Variants in COL19A1 observed in about 807,000 individuals in gnomAD.
COL19A1 encodes the protein collagen type XIX alpha 1 chain, also known as collagen alpha-1(XIX) chain.
Under a neutral mutation model 190.2 loss-of-function variants are expected in COL19A1, and 159 were observed. That is an observed-to-expected ratio of 0.84 (90% CI 0.73 to 0.95). The LOEUF (loss-of-function observed/expected upper bound fraction) is 0.95, where lower values mean the gene tolerates loss of function less well. Ranked by LOEUF, COL19A1 falls within the 40% of genes least tolerant of loss-of-function variation. COL19A1 has a pLI of 0.00. For synonymous variants in COL19A1, 509 were observed against 458.9 expected, an observed-to-expected ratio of 1.11 and a Z score of -1.39; for missense variants, 1,418 against 1,431.9, an observed-to-expected ratio of 0.99 and a Z score of 0.16.
In COL19A1 at chr6:70,068,419, A is replaced by C; in HGVS notation, c.1171-4A>C. On this transcript the variant is annotated splice_region_variant and splice_polypyrimidine_tract_variant and intron_variant, in intron 14 of 50. Transcript: ENST00000620364. ...TATTAACATGTGTCTCTTTTTCCTC[A>C]TAGGGTTCCCTGGGGATACAAGGCC... is the stretch of plus-strand genomic sequence containing the variant. 2 of 1,584,496 alleles carry C rather than the reference A, an allele frequency of 1.3e-6. No homozygotes were observed. Among genetic ancestry groups the C allele is most frequent in the South Asian group, 1.1e-5 (1 of 90,412 alleles).
In COL19A1 at chr6:70,212,399, C is replaced by T. The variant is rs1768258973; in HGVS notation, c.*5125C>T. Reference sequence around the variant, plus strand: ...TAATGCTTTGAGGCCTTGATTCCTACATGTTCATTATGCATAATGAGCTTG... The same window carrying T: ...TAATGCTTTGAGGCCTTGATTCCTATATGTTCATTATGCATAATGAGCTTG... On this transcript the variant is annotated 3_prime_UTR_variant, in exon 51 of 51. Transcript: ENST00000620364. Among the ~76,000 whole-genome samples the T allele has an allele frequency of 6.6e-6, 1 of 152,194 alleles. No individual in the cohort carries two copies. Among genetic ancestry groups the T allele is most frequent in the African/African-American group, 2.4e-5 (1 of 41,446 alleles).
intron 2 of COL19A1, among the ~76,000 whole-genome samples, chr6:69,895,496 G>C (rs193120534): frequency 6.6e-6 from 1 of 152,188 alleles, no homozygotes; most frequent in African/African-American, 2.4e-5. Context: ...AGTAAGACAG[G>C]GTTTTATTGG....
intron 4 of COL19A1, 40 bp downstream of exon 4, chr6:69,900,378 C>G: frequency 9.5e-7 from 1 of 1,048,724 alleles, no homozygotes; most frequent in East Asian, 2.8e-5. Context: ...AATAATACTT[C>G]ATAAATTATT....
At chr6:70,017,998 TG>T in intron 11 of COL19A1, among the ~76,000 whole-genome samples, 1 of 152,106 alleles carries the variant, frequency 6.6e-6, no homozygotes, top group South Asian at 2.1e-4. Flanking sequence ...TCCTTCCAGG[TG>T]AAGCTGGAAA....
intron 36 of COL19A1, among the ~76,000 whole-genome samples, chr6:70,164,519 T>G (rs1280090239): frequency 6.6e-6 from 1 of 152,160 alleles, no homozygotes; most frequent in African/African-American, 2.4e-5. Flanking sequence ...TCTGCACATT[T>G]TTTTCTGATT....
Position 70,096,706 on chromosome 6 carries a change from T to C in COL19A1, c.1225-5463T>C, listed in dbSNP as rs76496705. The stretch of plus-strand genomic sequence containing the variant: ...TTCTTTTGTTCTGAGCTGCAAGATA[T>C]AAGGTGCTCTACAGGATTGCCTGAC... On this transcript the variant is annotated intron_variant, in intron 15 of 50. Coordinates refer to ENST00000620364, the MANE Select transcript of COL19A1 (RefSeq NM_001858.6). Among the ~76,000 whole-genome samples, 13 of 152,326 alleles carry C rather than the reference T, an allele frequency of 8.5e-5. No individual in the cohort carries two copies. In the East Asian group the frequency reaches 2.5e-3, roughly 29 times the overall value.
At chr6:70,126,323 G>C (rs1384017538) in intron 17 of COL19A1, among the ~76,000 whole-genome samples, 1 of 152,174 alleles carries the variant, frequency 6.6e-6, no homozygotes, top group Non-Finnish European at 1.5e-5. Context: ...GGCATATAAA[G>C]TGTAGGCTCC....
intron 15 of COL19A1, among the ~76,000 whole-genome samples, chr6:70,088,275 CT>C (rs907184445): frequency 1.6e-4 from 25 of 151,926 alleles, no homozygotes; most frequent in Non-Finnish European, 3.1e-4. Context: ...GTTTTTATTC[CT>C]TTTTTTTCCC....
intron 15 of COL19A1, among the ~76,000 whole-genome samples, chr6:70,071,922 A>AATTG (rs1250594777): frequency 6.6e-6 from 1 of 152,072 alleles, no homozygotes; most frequent in East Asian, 1.9e-4. Context: ...AAGTGGCTGG[A>AATTG]ATTGGTGCCA....
At chr6:69,891,486 A>G (rs1769346624) in intron 2 of COL19A1, among the ~76,000 whole-genome samples, 1 of 152,102 alleles carries the variant, frequency 6.6e-6, no homozygotes, top group Non-Finnish European at 1.5e-5. Context: ...ATGAATGGCT[A>G]CCCATCTAGA....
intron 46 of COL19A1, among the ~76,000 whole-genome samples, 183 bp from the exon 47 acceptor site, chr6:70,187,892 C>A (rs1185365436): frequency 6.6e-6 from 1 of 152,076 alleles, no homozygotes; most frequent in Non-Finnish European, 1.5e-5. Flanking sequence ...TGAAAATCGC[C>A]CTATCTAATG....
At chr6:70,035,509 T>C (rs915538037) in intron 13 of COL19A1, among the ~76,000 whole-genome samples, 1 of 152,236 alleles carries the variant, frequency 6.6e-6, no homozygotes, top group Non-Finnish European at 1.5e-5. Flanking sequence ...GATCCACTTA[T>C]TATTTCTGCT....
At chr6:69,943,039 T>G (rs1485118107) in intron 9 of COL19A1, among the ~76,000 whole-genome samples, 4 of 152,080 alleles carry the variant, frequency 2.6e-5, no homozygotes, top group Non-Finnish European at 1.5e-5. Context: ...AGTTCCCCTT[T>G]CTCCACAACT....
At chr6:69,979,763 A>C (rs1775942917) in intron 11 of COL19A1, among the ~76,000 whole-genome samples, 3 of 151,632 alleles carry the variant, frequency 2.0e-5, no homozygotes, top group South Asian at 2.1e-4. Context: ...TATATTTAAA[A>C]AACAATAGAT....
At chr6:70,180,052 T>A (rs922081024) in intron 42 of COL19A1, among the ~76,000 whole-genome samples, 1 of 151,976 alleles carries the variant, frequency 6.6e-6, no homozygotes, top group Non-Finnish European at 1.5e-5. Context: ...CTGGGTAATT[T>A]TTGTATTATT....
chr6:69,871,183 C>T (rs905350847), intron 1 of COL19A1, among the ~76,000 whole-genome samples: 1 of 152,186 alleles, frequency 6.6e-6, no homozygotes, highest in African/African-American at 2.4e-5. Context: ...GAATTTTTTA[C>T]TCTATAGGCT....
At chr6:70,079,219 A>G (rs1049601612) in intron 15 of COL19A1, among the ~76,000 whole-genome samples, 2 of 152,236 alleles carry the variant, frequency 1.3e-5, no homozygotes, top group African/African-American at 4.8e-5. Context: ...TTGCTGACGT[A>G]TCAAGTCTGA....
intron 14 of COL19A1, among the ~76,000 whole-genome samples, chr6:70,048,196 A>T (rs1780008519): frequency 6.6e-6 from 1 of 152,112 alleles, no homozygotes; most frequent in South Asian, 2.1e-4. Context: ...TACCTTAAAT[A>T]CCATAAGCAA....
At chr6:70,002,621 C>G (rs999800314) in intron 11 of COL19A1, among the ~76,000 whole-genome samples, 1 of 149,698 alleles carries the variant, frequency 6.7e-6, no homozygotes, top group Non-Finnish European at 1.5e-5. Flanking sequence ...ATATATATAT[C>G]TATTTCTTCT....
Sources: gnomAD v4.1 joint callset for allele counts (sites outside exome capture counted in the v4.1 genomes callset) on GRCh38, gnomAD v4.1.1 for gene constraint, MANE v1.5 for transcripts, NCBI Gene and HGNC (gene_info 2026-07-23, HGNC 2026-07-21) for gene names.